Variants in CNTNAP2 observed in about 807,000 individuals in gnomAD.
CNTNAP2 encodes contactin associated protein 2.
CNTNAP2 carries 98 observed loss-of-function variants against 155.2 expected under a neutral mutation model. That is an observed-to-expected ratio of 0.63 (90% CI 0.54 to 0.75). The LOEUF is 0.75. CNTNAP2 is among the 30% of genes least tolerant of loss of function. The pLI, the probability that CNTNAP2 is intolerant of heterozygous loss-of-function variation, is 0.00. For missense variants in CNTNAP2, 1,727 were observed against 1,688.1 expected (o/e 1.02, Z -0.40); for synonymous variants, 651 against 631.2 (o/e 1.03, Z -0.47).
intron 13 of CNTNAP2, chr7:147,671,898 G>C (rs1011465476): frequency 6.6e-6 from 1 of 152,160 alleles, no homozygotes; most frequent in Non-Finnish European, 1.5e-5. Flanking sequence ...ATTAACTCTA[G>C]TAGATATTGT....
At chr7:146,117,235 G>A (rs111557555) in intron 1 of CNTNAP2, 1 of 519,236 alleles carries the variant, frequency 1.9e-6, no homozygotes, top group African/African-American at 1.9e-5. Context: ...AGCTTGGCTA[G>A]AGAGACTGAT....
intron 21 of CNTNAP2, among the ~76,000 whole-genome samples, chr7:148,304,246 G>A (rs980196428): frequency 1.4e-5 from 2 of 147,914 alleles, no homozygotes; most frequent in Non-Finnish European, 3.0e-5. Context: ...GAAGGGAGGT[G>A]CTTTGTTTTT....
intron 15 of CNTNAP2, among the ~76,000 whole-genome samples, chr7:148,047,677 C>A (rs888816560): frequency 6.6e-6 from 1 of 152,186 alleles, no homozygotes; most frequent in Non-Finnish European, 1.5e-5. Context: ...GAGTGTTATG[C>A]CACTCAATTT....
chr7:147,534,121 G>C (rs892051890), intron 11 of CNTNAP2, among the ~76,000 whole-genome samples: 1 of 152,110 alleles, frequency 6.6e-6, no homozygotes, highest in African/African-American at 2.4e-5. Context: ...TTTCAACCTG[G>C]AGTGATTTTG....
intron 10 of CNTNAP2, among the ~76,000 whole-genome samples, chr7:147,407,727 C>T (rs1401688585): frequency 1.3e-5 from 2 of 152,100 alleles, no homozygotes; most frequent in Non-Finnish European, 2.9e-5. Flanking sequence ...TAAGCATTTG[C>T]TTCTTAATTG....
intron 13 of CNTNAP2, among the ~76,000 whole-genome samples, chr7:147,713,773 C>G (rs891110589): frequency 7.9e-5 from 12 of 152,124 alleles, no homozygotes; most frequent in African/African-American, 2.7e-4. Context: ...AATGACAGAT[C>G]CAGTTGCTCA....
chr7:148,245,536 G>C (rs952464277), intron 20 of CNTNAP2, among the ~76,000 whole-genome samples: 1 of 147,508 alleles, frequency 6.8e-6, no homozygotes, highest in Admixed American at 6.7e-5. Context: ...CTTTCTTCCC[G>C]AGATTGCCAA....
chr7:146,379,310 T>C (rs1054325078), intron 1 of CNTNAP2, among the ~76,000 whole-genome samples: 1 of 152,172 alleles, frequency 6.6e-6, no homozygotes, highest in East Asian at 1.9e-4. Flanking sequence ...ATTTGGCATA[T>C]GTATTTGAGG....
chr7:147,632,585 C>G (rs1192443207), intron 12 of CNTNAP2, among the ~76,000 whole-genome samples: 1 of 152,192 alleles, frequency 6.6e-6, no homozygotes, highest in Non-Finnish European at 1.5e-5. Flanking sequence ...AATTAAAACT[C>G]TTTCCTTTAT....
intron 3 of CNTNAP2, among the ~76,000 whole-genome samples, chr7:146,887,900 A>G (rs1795699281): frequency 6.6e-6 from 1 of 152,066 alleles, no homozygotes; most frequent in Non-Finnish European, 1.5e-5. Flanking sequence ...TTCTTTTCTT[A>G]TGTTAGGGTG....
At chr7:148,039,442 T>C (rs2527057) in intron 15 of CNTNAP2, among the ~76,000 whole-genome samples, 54,341 of 151,986 alleles carry the variant, frequency 0.36, 10,432 homozygotes, top group East Asian at 0.75. Flanking sequence ...GAAAGACCCT[T>C]GCAGACACAC....
chr7:146,895,778 C>T (rs1308023272), intron 3 of CNTNAP2, among the ~76,000 whole-genome samples: 2 of 152,020 alleles, frequency 1.3e-5, no homozygotes, highest in African/African-American at 2.4e-5. Flanking sequence ...GGTCATATCT[C>T]CAAAGTTAAC....
At chr7:146,814,308 A>C (rs910122944) in intron 2 of CNTNAP2, among the ~76,000 whole-genome samples, 1 of 152,094 alleles carries the variant, frequency 6.6e-6, no homozygotes, top group African/African-American at 2.4e-5. Context: ...GACCTTTCCA[A>C]TCATTAATCT....
At chr7:146,426,048 T>A (rs1796082222) in intron 1 of CNTNAP2, among the ~76,000 whole-genome samples, 2 of 151,188 alleles carry the variant, frequency 1.3e-5, no homozygotes, top group Admixed American at 1.3e-4. Flanking sequence ...TAGCTGGCCG[T>A]GGCGGCGCAA....
At chr7:146,233,453 ACT>A (rs1198659907) in intron 1 of CNTNAP2, among the ~76,000 whole-genome samples, 3 of 126,652 alleles carry the variant, frequency 2.4e-5, no homozygotes, top group Admixed American at 1.9e-4. Flanking sequence ...TTCAGAATAT[ACT>A]CTGTGACTCT....
At chr7:146,999,765 C>T (rs996462888) in intron 3 of CNTNAP2, among the ~76,000 whole-genome samples, 1 of 151,952 alleles carries the variant, frequency 6.6e-6, no homozygotes, top group African/African-American at 2.4e-5. Context: ...TTAGAGCTCT[C>T]GTCATTTGTG....
intron 9 of CNTNAP2, among the ~76,000 whole-genome samples, chr7:147,394,282 T>A (rs1352408110): frequency 6.6e-6 from 1 of 151,990 alleles, no homozygotes; most frequent in East Asian, 1.9e-4. Context: ...TTCTCAACTG[T>A]GAGTCAATTA....
intron 14 of CNTNAP2, among the ~76,000 whole-genome samples, chr7:147,953,854 C>T (rs1800977091): frequency 6.6e-6 from 1 of 152,078 alleles, no homozygotes; most frequent in African/African-American, 2.4e-5. Flanking sequence ...TTTTCTGTGT[C>T]CAAATTTCCC....
intron 14 of CNTNAP2, among the ~76,000 whole-genome samples, chr7:147,961,379 G>A (rs1487866425): frequency 6.6e-6 from 1 of 152,118 alleles, no homozygotes; most frequent in Non-Finnish European, 1.5e-5. Flanking sequence ...ATGAGCTAGT[G>A]TGGTTATTTA....
Sources: gnomAD v4.1 joint callset for allele counts (sites outside exome capture counted in the v4.1 genomes callset) on GRCh38, gnomAD v4.1.1 for gene constraint, MANE v1.5 for transcripts, NCBI Gene and HGNC (gene_info 2026-07-23, HGNC 2026-07-21) for gene names.